Variants in ADAMTSL3 observed in about 807,000 individuals in gnomAD.
The protein encoded by ADAMTSL3 is ADAMTS like 3, also known as ADAMTS-like protein 3.
ADAMTSL3 carries 128 observed loss-of-function variants against 201.7 expected under a neutral mutation model. The observed-to-expected ratio is 0.63, with a 90% CI of 0.55 to 0.73. The LOEUF is 0.73. Ranked by LOEUF, ADAMTSL3 falls within the 30% of genes least tolerant of loss-of-function variation. ADAMTSL3 has a pLI of 0.00. For synonymous variants in ADAMTSL3, 738 were observed against 748.4 expected (o/e 0.99, Z 0.23); for missense variants, 1,990 against 2,119.6 (o/e 0.94, Z 1.20).
chr15:83,963,463 T>C (rs541585417), intron 19 of ADAMTSL3, among the ~76,000 whole-genome samples: 1 of 152,220 alleles, frequency 6.6e-6, no homozygotes, highest in South Asian at 2.1e-4. Context: ...TCTAGATTCC[T>C]CCCTTCTGGC....
chr15:83,679,158 G>A (rs1038531052), intron 2 of ADAMTSL3, among the ~76,000 whole-genome samples: 155 of 151,652 alleles, frequency 1.0e-3, no homozygotes, highest in African/African-American at 3.5e-3. Flanking sequence ...AAGATATTGC[G>A]TTTTCAGTTC....
At chr15:83,984,236 A>G (rs1201786866) in intron 21 of ADAMTSL3, among the ~76,000 whole-genome samples, 3 of 152,234 alleles carry the variant, frequency 2.0e-5, no homozygotes, top group Admixed American at 2.0e-4. Flanking sequence ...GAGATCGTTA[A>G]GAGACACAAA....
At chr15:83,703,514 C>A (rs2061803928) in intron 2 of ADAMTSL3, among the ~76,000 whole-genome samples, 1 of 152,054 alleles carries the variant, frequency 6.6e-6, no homozygotes, top group African/African-American at 2.4e-5. Context: ...GGGACAGTTT[C>A]CCCCATACTG....
At chr15:83,659,060 T>C (rs1266943390) in intron 2 of ADAMTSL3, among the ~76,000 whole-genome samples, 2 of 152,214 alleles carry the variant, frequency 1.3e-5, no homozygotes, top group South Asian at 2.1e-4. Flanking sequence ...CCCTCCACCG[T>C]GTTTGCCCCT....
At chr15:83,770,897 C>T (rs1039516894) in intron 3 of ADAMTSL3, among the ~76,000 whole-genome samples, 8 of 152,108 alleles carry the variant, frequency 5.3e-5, no homozygotes, top group Non-Finnish European at 1.2e-4. Context: ...GAAACCCCAT[C>T]TCTACTAAAA....
intron 17 of ADAMTSL3, 33 bp downstream of exon 17, chr15:83,924,066 G>C: frequency 1.2e-6 from 2 of 1,610,338 alleles, no homozygotes; most frequent in Non-Finnish European, 1.7e-6. Context: ...GGTATATACC[G>C]TGTCCGGGTG....
chr15:83,988,893 T>A, intron 22 of ADAMTSL3, 75 bp downstream of exon 22: 1 of 962,680 alleles, frequency 1.0e-6, no homozygotes, highest in Non-Finnish European at 1.3e-6. Flanking sequence ...ATTTATTTTT[T>A]TTTTTTGAGA....
chr15:83,829,489 T>A (rs9888673), intron 6 of ADAMTSL3, among the ~76,000 whole-genome samples: 121,075 of 151,984 alleles, frequency 0.8, 48,927 homozygotes, highest in East Asian at 1. Flanking sequence ...TCCTGGATTC[T>A]TTGATTTTTT....
intron 17 of ADAMTSL3, among the ~76,000 whole-genome samples, chr15:83,937,164 T>C (rs2066475747): frequency 6.6e-6 from 1 of 151,074 alleles, no homozygotes; most frequent in East Asian, 1.9e-4. Flanking sequence ...ATTGGGTATA[T>C]ATCCCAAGAA....
At chr15:83,705,008 T>C (rs1445275708) in intron 3 of ADAMTSL3, among the ~76,000 whole-genome samples, 1 of 151,214 alleles carries the variant, frequency 6.6e-6, no homozygotes, top group Non-Finnish European at 1.5e-5. Flanking sequence ...GTTGAAATCA[T>C]TTTAGGAAGG....
intron 4 of ADAMTSL3, among the ~76,000 whole-genome samples, chr15:83,782,766 A>T (rs926702505): frequency 1.8e-4 from 28 of 152,094 alleles, no homozygotes; most frequent in African/African-American, 6.7e-4. Flanking sequence ...AAAAATAACT[A>T]ATGAGTACTA....
chr15:83,766,562 G>A (rs1335863820), intron 3 of ADAMTSL3, among the ~76,000 whole-genome samples: 1 of 152,182 alleles, frequency 6.6e-6, no homozygotes, highest in Non-Finnish European at 1.5e-5. Flanking sequence ...TTTGATCCAA[G>A]AGGCGAAATG....
chr15:83,702,580 T>C (rs957037390), intron 2 of ADAMTSL3, among the ~76,000 whole-genome samples: 2 of 152,140 alleles, frequency 1.3e-5, no homozygotes, highest in Non-Finnish European at 2.9e-5. Context: ...AAGGGGCCAA[T>C]GTAGAGCTCG....
At position 83,991,030 on chromosome 15, in the gene ADAMTSL3, T is replaced by C. The variant is rs117478563; in HGVS notation, c.3845-56T>C. ...CAAAGCTTACCAAATGCAATATGTT[T>C]TACCAAAGAGCAAAAGCCTGAACCT... On this transcript the variant is annotated intron_variant, in intron 22 of 29. Coordinates refer to ENST00000286744, the MANE Select transcript of ADAMTSL3 (RefSeq NM_207517.3). 5,658 of 1,609,592 alleles carry C rather than the reference T, an allele frequency of 3.5e-3. 12 individuals carry two copies. Among genetic ancestry groups the C allele is most frequent in the Non-Finnish European group, 4.4e-3 (5,141 of 1,177,552 alleles).
chr15:83,815,314 C>G lies in ADAMTSL3; in HGVS notation c.364-4497C>G, dbSNP rs555347599. On this transcript the variant is annotated intron_variant, in intron 5 of 29. Transcript: ENST00000286744. Reference sequence around the variant, plus strand: ...CATTCCTACTTAAAGTCTACAAATACCAGTGATAACACTTGTTCAGTGTGT... The same window carrying G: ...CATTCCTACTTAAAGTCTACAAATAGCAGTGATAACACTTGTTCAGTGTGT... 3.9e-5 allele frequency among the ~76,000 whole-genome samples: 6 copies of G among 152,300 alleles called. No individual in the cohort carries two copies. In the South Asian group the frequency reaches 1.2e-3, roughly 32 times the overall value.
intron 20 of ADAMTSL3, among the ~76,000 whole-genome samples, chr15:83,974,025 CATACCCTATAGTCCA>C (rs1441019839): frequency 1.3e-5 from 2 of 152,190 alleles, no homozygotes; most frequent in African/African-American, 4.8e-5. Flanking sequence ...AGGCCAACAG[CATACCCTATAGTCCA>C]ATGACACCCA....
rs551334493 is a variant in ADAMTSL3 at position 83,839,484 on chromosome 15, T to G, written c.727+1269T>G. Reference sequence around the variant, plus strand: ...GATTAAGTGGAGCCCTCAAAGCAATTTAGGCAGTGGAGTGATATGGTTAGG... The same window carrying G: ...GATTAAGTGGAGCCCTCAAAGCAATGTAGGCAGTGGAGTGATATGGTTAGG... On this transcript the variant is annotated intron_variant, in intron 7 of 29. Transcript: ENST00000286744. Among the ~76,000 whole-genome samples the G allele has an allele frequency of 2.6e-5, 4 of 152,282 alleles. No homozygotes were observed. The East Asian group carries it at 7.7e-4, about 29-fold the overall frequency.
At position 83,656,669 on chromosome 15, in the gene ADAMTSL3, A is replaced by G. The variant is rs377416388; in HGVS notation, c.69+839A>G. ...GGGCACATCTTAGTATTGTGTCCCA[A>G]GGGCTGCTGCTAGCTCCATACAGTG... On this transcript the variant is annotated intron_variant, in intron 2 of 29. Transcript: ENST00000286744. Among the ~76,000 whole-genome samples the G allele has an allele frequency of 4.8e-4, 73 of 152,322 alleles. No individual in the cohort carries two copies. In the South Asian group the frequency reaches 0.015, roughly 31 times the overall value.
chr15:83,835,051 A>G lies in ADAMTSL3; in HGVS notation c.601-3038A>G, dbSNP rs182177393. On this transcript the variant is annotated intron_variant, in intron 6 of 29. Coordinates refer to ENST00000286744, the MANE Select transcript of ADAMTSL3 (RefSeq NM_207517.3). ...AGATCGAGACCATCCTGGCTAACACAGTGAAACCCTGTCTCTACTGAAAAT... is the reference window on the plus strand; with the variant it reads ...AGATCGAGACCATCCTGGCTAACACGGTGAAACCCTGTCTCTACTGAAAAT... Among the ~76,000 whole-genome samples the G allele has an allele frequency of 6.8e-4, 103 of 152,076 alleles. 1 individual carries two copies. Among genetic ancestry groups the G allele is most frequent in the Middle Eastern group, 3.4e-3 (1 of 294 alleles).
Sources: allele counts gnomAD v4.1 joint callset (sites outside exome capture counted in the v4.1 genomes callset), GRCh38; gene constraint gnomAD v4.1.1; transcripts MANE v1.5; gene names NCBI Gene and HGNC (gene_info 2026-07-23, HGNC 2026-07-21).